Variants in MIPEP observed in about 807,000 individuals in gnomAD.
MIPEP encodes the protein mitochondrial intermediate peptidase.
A neutral mutation model predicts 90.3 loss-of-function variants in MIPEP; 79 were observed. The ratio of observed to expected loss-of-function variants is 0.87; its 90% CI spans 0.73 to 1.05. The LOEUF is 1.05. Among genes scored for constraint, MIPEP ranks in the 50% least tolerant of loss-of-function variants. MIPEP has a pLI of 0.00. For missense variants in MIPEP, 940 were observed against 905.6 expected, an observed-to-expected ratio of 1.04 and a Z score of -0.49; for synonymous variants, 334 against 315.8, an observed-to-expected ratio of 1.06 and a Z score of -0.61.
At chr13:23,796,772 C>A (rs769955125) in intron 16 of MIPEP, among the ~76,000 whole-genome samples, 7 of 152,222 alleles carry the variant, frequency 4.6e-5, no homozygotes, top group Non-Finnish European at 1.0e-4. Flanking sequence ...TGCACTCCAT[C>A]TCCAAGCTGG....
chr13:23,756,476 G>T, intron 18 of MIPEP, 69 bp downstream of exon 18: 2 of 1,521,802 alleles, frequency 1.3e-6, no homozygotes, highest in South Asian at 1.1e-5. Context: ...TTCTTTAAAT[G>T]AAAAAAACAT....
intron 18 of MIPEP, among the ~76,000 whole-genome samples, chr13:23,754,499 C>T (rs577678733): frequency 1.3e-5 from 2 of 152,290 alleles, no homozygotes; most frequent in Admixed American, 1.3e-4. Flanking sequence ...CTTTTTCTCT[C>T]ATATGTGAAT....
At chr13:23,761,175 C>A (rs1487179935) in intron 16 of MIPEP, among the ~76,000 whole-genome samples, 3 of 151,058 alleles carry the variant, frequency 2.0e-5, no homozygotes, top group Non-Finnish European at 4.4e-5. Flanking sequence ...CCAAAGATAA[C>A]CACCAGCAAC....
chr13:23,867,386 C>G (rs9553083), intron 7 of MIPEP, among the ~76,000 whole-genome samples: 80,780 of 151,918 alleles, frequency 0.53, 21,702 homozygotes, highest in South Asian at 0.72. Flanking sequence ...TTGTGTCTGT[C>G]AAGAGCACGC....
At chr13:23,730,593 A>AT (rs1952194298) in intron 18 of MIPEP, 148 bp from the exon 19 acceptor site, 2 of 621,600 alleles carry the variant, frequency 3.2e-6, no homozygotes, top group East Asian at 5.5e-5. Context: ...AACATTTTAT[A>AT]AAGTCATGGG....
intron 2 of MIPEP, among the ~76,000 whole-genome samples, chr13:23,885,712 T>C (rs965824197): frequency 6.6e-6 from 1 of 151,956 alleles, no homozygotes; most frequent in Non-Finnish European, 1.5e-5. Context: ...TACAATCATT[T>C]TGATGTCAAA....
intron 16 of MIPEP, among the ~76,000 whole-genome samples, chr13:23,785,612 C>T (rs977239238): frequency 3.3e-5 from 4 of 122,038 alleles, no homozygotes; most frequent in African/African-American, 8.9e-5. Context: ...TACCCTAGAA[C>T]TTAAAGTATA....
At chr13:23,730,532 A>T in intron 18 of MIPEP, 87 bp from the exon 19 acceptor site, 1 of 817,344 alleles carries the variant, frequency 1.2e-6, no homozygotes, top group Non-Finnish European at 2.1e-6. Flanking sequence ...ACACTAGAGG[A>T]ACACTCTGGC....
intron 16 of MIPEP, among the ~76,000 whole-genome samples, chr13:23,785,596 C>T (rs1344952895): frequency 1.1e-4 from 16 of 142,452 alleles, no homozygotes; most frequent in Admixed American, 7.3e-5. Context: ...GCACATTGTG[C>T]ACATGTACCC....
At chr13:23,806,189 A>G in intron 15 of MIPEP, 120 bp from the exon 16 acceptor site, 2 of 972,188 alleles carry the variant, frequency 2.1e-6, no homozygotes, top group Non-Finnish European at 3.2e-6. Context: ...GAAAACAGTC[A>G]CAAAAATAAA....
chr13:23,856,035 C>A (rs757934361), intron 10 of MIPEP, among the ~76,000 whole-genome samples: 2 of 152,190 alleles, frequency 1.3e-5, no homozygotes, highest in Non-Finnish European at 2.9e-5. Context: ...TGAATAGGGG[C>A]TATGAATTAG....
At chr13:23,835,119 C>G (rs1408310398) in intron 14 of MIPEP, among the ~76,000 whole-genome samples, 1 of 149,486 alleles carries the variant, frequency 6.7e-6, no homozygotes. Flanking sequence ...CTCCCAGGTT[C>G]AAGTGATTCT....
At chr13:23,774,784 C>CTTTTTTTTTTTTTT (rs67628137) in intron 16 of MIPEP, among the ~76,000 whole-genome samples, 1 of 68,250 alleles carries the variant, frequency 1.5e-5, no homozygotes, top group Non-Finnish European at 2.5e-5. Context: ...TTTATCAGTT[C>CTTTTTTTTTTTTTT]TTTTTTTTTT....
chr13:23,868,406 G>T (rs1248668280), intron 7 of MIPEP, among the ~76,000 whole-genome samples: 1 of 152,164 alleles, frequency 6.6e-6, no homozygotes, highest in East Asian at 1.9e-4. Flanking sequence ...TGCATTTAGA[G>T]AACTTTGGAG....
At chr13:23,875,951 T>C (rs1391328526) in intron 4 of MIPEP, among the ~76,000 whole-genome samples, 1 of 152,216 alleles carries the variant, frequency 6.6e-6, no homozygotes, top group African/African-American at 2.4e-5. Flanking sequence ...TAAACGTTCT[T>C]CAAAAAGTTG....
intron 5 of MIPEP, 142 bp downstream of exon 5, chr13:23,874,701 AAAG>A (rs1209744913): frequency 4.7e-6 from 3 of 634,626 alleles, no homozygotes; most frequent in Admixed American, 6.3e-5. Context: ...AATACAATCT[AAAG>A]AAGAATTTCA....
chr13:23,740,170 C>T (rs1232360453), intron 18 of MIPEP, among the ~76,000 whole-genome samples: 4 of 152,210 alleles, frequency 2.6e-5, no homozygotes, highest in Non-Finnish European at 2.9e-5. Context: ...GGTCCCAAAA[C>T]GTCAACAGTG....
At chr13:23,807,293 TG>T (rs1200637757) in intron 15 of MIPEP, among the ~76,000 whole-genome samples, 1 of 152,354 alleles carries the variant, frequency 6.6e-6, no homozygotes, top group East Asian at 1.9e-4. Flanking sequence ...AACACTGACT[TG>T]AACATTTGAC....
intron 4 of MIPEP, among the ~76,000 whole-genome samples, chr13:23,876,442 T>C (rs145683259): frequency 1.8e-4 from 28 of 152,302 alleles, no homozygotes; most frequent in African/African-American, 6.5e-4. Context: ...AGTTCCATTC[T>C]AGAGATGCAG....
Sources: gnomAD v4.1 joint callset for allele counts (sites outside exome capture counted in the v4.1 genomes callset) on GRCh38, gnomAD v4.1.1 for gene constraint, MANE v1.5 for transcripts, NCBI Gene and HGNC (gene_info 2026-07-23, HGNC 2026-07-21) for gene names.